The following ADARB1 variants were observed in gnomAD, a reference collection of about 807,000 sequenced individuals.
ADARB1 encodes double-stranded RNA-specific editase 1.
In ADARB1, 10 loss-of-function variants were observed where a neutral mutation model predicts 52.4. The ratio of observed to expected loss-of-function variants is 0.19; its 90% CI spans 0.12 to 0.32. The LOEUF is 0.32. Ranked by LOEUF, ADARB1 falls within the 10% of genes least tolerant of loss-of-function variation. ADARB1 has a pLI of 1.00. For missense variants in ADARB1, 643 were observed against 922.3 expected, an observed-to-expected ratio of 0.70 and a Z score of 3.92; for synonymous variants, 349 against 371.1, an observed-to-expected ratio of 0.94 and a Z score of 0.68.
At chr21:45,106,546 C>G (rs1449345526) in intron 1 of ADARB1, among the ~76,000 whole-genome samples, 1 of 152,138 alleles carries the variant, frequency 6.6e-6, no homozygotes. Context: ...TTAGCTGTCC[C>G]CCTTTTCTCT....
Position 45,074,766 on chromosome 21 carries a change from G to T in ADARB1, c.-247G>T. On this transcript the variant is annotated 5_prime_UTR_variant, in exon 1 of 11. Transcript: ENST00000348831. ...CGAAGCGTGGGGCGCGCGTGCGGAGGACCAGGCGCGGCGCGGCTGCGGCTG... is the reference window on the plus strand; with the variant it reads ...CGAAGCGTGGGGCGCGCGTGCGGAGTACCAGGCGCGGCGCGGCTGCGGCTG... The T allele has an allele frequency of 6.8e-6, 1 of 147,042 alleles. No individual in the cohort carries two copies. Among genetic ancestry groups the T allele is most frequent in the South Asian group, 1.9e-4 (1 of 5,380 alleles). The allele number at this position is 147,042 out of a possible 1,614,324, so 9.1% of individuals were successfully genotyped here.
In ADARB1 at chr21:45,204,531, G is replaced by T; in HGVS notation, c.1566-24G>T. 1 of 1,612,784 alleles carries T rather than the reference G, an allele frequency of 6.2e-7. No homozygotes were observed. The highest frequency in any genetic ancestry group is 8.5e-7 in the Non-Finnish European group (1 of 1,179,086). ...CGACACTGAGTCCGAGCTCCCTGAA[G>T]ACTGTGCTTTCTTCTCCCTCCAGCT... On this transcript the variant is annotated intron_variant, in intron 8 of 10. Transcript: ENST00000348831. The surrounding 1 kb of genome is among the most constrained non-coding windows in gnomAD (Gnocchi z 4.4).
intron 1 of ADARB1, among the ~76,000 whole-genome samples, chr21:45,093,502 C>T (rs2086639573): frequency 6.6e-6 from 1 of 152,214 alleles, no homozygotes; most frequent in African/African-American, 2.4e-5. Flanking sequence ...TGTTCTCTGA[C>T]TTGTGGGTTT....
intron 1 of ADARB1, among the ~76,000 whole-genome samples, chr21:45,109,691 TA>T (rs1012316527): frequency 2.0e-5 from 3 of 152,264 alleles, no homozygotes; most frequent in African/African-American, 4.8e-5. Flanking sequence ...TGGTATTTTA[TA>T]ACCTAGCAAT....
chr21:45,158,210 A>G (rs2090765700), intron 2 of ADARB1, among the ~76,000 whole-genome samples: 1 of 150,776 alleles, frequency 6.6e-6, no homozygotes, highest in Non-Finnish European at 1.5e-5. Flanking sequence ...GAGCATCCTC[A>G]TTCTCCAGAC....
intron 5 of ADARB1, among the ~76,000 whole-genome samples, chr21:45,181,764 G>C (rs2091939870): frequency 1.3e-5 from 2 of 152,238 alleles, no homozygotes; most frequent in African/African-American, 4.8e-5. Flanking sequence ...TGGTTCAGGG[G>C]GCTCCCGCTG....
At position 45,223,171 on chromosome 21, in the gene ADARB1, A is replaced by G. The variant is rs1284478013; in HGVS notation, c.*974A>G. ...TGGGTGACCGCCCGAAGGCCTTCAC[A>G]GGATGGAAGTAGAATGATTTCAGTA... On this transcript the variant is annotated 3_prime_UTR_variant, in exon 11 of 11. Coordinates refer to ENST00000348831, the MANE Select transcript of ADARB1 (RefSeq NM_001112.4). 1.5e-5 allele frequency: 15 copies of G among 985,402 alleles called. No homozygotes were observed. The highest frequency in any genetic ancestry group is 1.8e-5 in the Non-Finnish European group (15 of 829,968). The allele number at this position is 985,402 out of a possible 1,614,324, so 61.0% of individuals were successfully genotyped here. A position where few individuals can be genotyped will look rare whatever the true frequency, so the allele number is the denominator to read the frequency against.
In ADARB1 at chr21:45,208,859, G is replaced by A. The variant is rs575720303; in HGVS notation, c.1747+4123G>A. 6.6e-6 allele frequency among the ~76,000 whole-genome samples: 1 copy of A among 152,216 alleles called. No homozygotes were observed. The highest frequency in any genetic ancestry group is 2.1e-4 in the South Asian group (1 of 4,826). ...AGGAGTGAACGTGCCATGAGTCATTGTAGAAGAGAACGACCACCAAGCTTG... is the reference window on the plus strand; with the variant it reads ...AGGAGTGAACGTGCCATGAGTCATTATAGAAGAGAACGACCACCAAGCTTG... On this transcript the variant is annotated intron_variant, in intron 9 of 10. Coordinates refer to ENST00000348831, the MANE Select transcript of ADARB1 (RefSeq NM_001112.4). The surrounding 1 kb of genome is among the most constrained non-coding windows in gnomAD (Gnocchi z 5.6).
In ADARB1 at chr21:45,176,234, A is replaced by G. The variant is rs142958161; in HGVS notation, c.533A>G (p.Asn178Ser). The G allele has an allele frequency of 1.1e-5, 18 of 1,614,058 alleles. No individual in the cohort carries two copies. The highest frequency in any genetic ancestry group is 1.7e-5 in the Admixed American group (1 of 60,004). ...GCCGACTTCCCTGACACGCTCTTCA[A>G]TGGTTTTGAAACTCCTGACAAGGCG... Reference protein sequence around the residue: ...DQADFPDTLFNGFETPDKAEP... With the variant: ...DQADFPDTLFSGFETPDKAEP... Residue 178 changes from asparagine to serine, a missense_variant, in exon 4 of 11, where the codon AAT becomes AGT. Asn to Ser is a conservative substitution (Grantham distance 46, BLOSUM62 1). This residue lies in a region of ADARB1 where 380 missense variants were observed against 446.5 expected (regional missense o/e 0.85). Transcript: ENST00000348831. The surrounding 1 kb of genome is among the most constrained non-coding windows in gnomAD (Gnocchi z 5.8).
intron 9 of ADARB1, among the ~76,000 whole-genome samples, chr21:45,215,423 T>A (rs1195765858): frequency 6.6e-6 from 1 of 152,196 alleles, no homozygotes; most frequent in African/African-American, 2.4e-5. Context: ...TCAGCGTTTT[T>A]AATCAAGAAT....
rs139222381 is a variant in ADARB1, at chr21:45,163,559, C to T, written c.-47-8051C>T. Reference sequence around the variant, plus strand: ...CCCCACCTCCACCCTGCACCAGGGGCGCTGACTCTGGGCCCTCAAGGCCCC... The same window carrying T: ...CCCCACCTCCACCCTGCACCAGGGGTGCTGACTCTGGGCCCTCAAGGCCCC... On this transcript the variant is annotated intron_variant, in intron 2 of 10. Transcript: ENST00000348831. Among the ~76,000 whole-genome samples, 843 of 151,818 alleles carry T rather than the reference C, an allele frequency of 5.6e-3. 5 individuals carry two copies. Among genetic ancestry groups the T allele is most frequent in the African/African-American group, 0.019 (775 of 41,142 alleles).
chr21:45,089,163 C>G (rs569232011), intron 1 of ADARB1, among the ~76,000 whole-genome samples: 1 of 152,210 alleles, frequency 6.6e-6, no homozygotes, highest in Non-Finnish European at 1.5e-5. Context: ...TCGATATATC[C>G]TTCTCCCAGC....
chr21:45,182,369 A>G (rs754600299), intron 5 of ADARB1, among the ~76,000 whole-genome samples: 14 of 152,186 alleles, frequency 9.2e-5, no homozygotes, highest in Non-Finnish European at 2.1e-4. Context: ...CTTTCCAGAA[A>G]TGTCACAAAG....
intron 1 of ADARB1, among the ~76,000 whole-genome samples, chr21:45,113,495 A>ATG (rs2087657513): frequency 1.0e-5 from 1 of 95,682 alleles, no homozygotes; most frequent in African/African-American, 3.6e-5. Flanking sequence ...GTGTGTGTAT[A>ATG]TATGTGTGTG....
In ADARB1 at chr21:45,204,372, G is replaced by T. The variant is rs890851443; in HGVS notation, c.1566-183G>T. Among the ~76,000 whole-genome samples the T allele has an allele frequency of 1.2e-4, 18 of 152,166 alleles. No individual in the cohort carries two copies. The highest frequency in any genetic ancestry group is 5.9e-5 in the Non-Finnish European group (4 of 68,026). ...CACAGTGTAAAATAACTTTTAAGTA[G>T]ATTTTTGTCTTTGTGATCGTAAGCT... On this transcript the variant is annotated intron_variant, in intron 8 of 10. Coordinates refer to ENST00000348831, the MANE Select transcript of ADARB1 (RefSeq NM_001112.4). The surrounding 1 kb of genome is among the most constrained non-coding windows in gnomAD (Gnocchi z 4.4).
intron 2 of ADARB1, among the ~76,000 whole-genome samples, chr21:45,162,653 G>A (rs111608697): frequency 2.3e-4 from 35 of 152,332 alleles, no homozygotes; most frequent in African/African-American, 8.2e-4. Context: ...ATGCAGATCT[G>A]TCCATGAAAG....
At position 45,104,857 on chromosome 21, in the gene ADARB1, G is replaced by T. The variant is rs574535491; in HGVS notation, c.-219-23545G>T. On this transcript the variant is annotated intron_variant, in intron 1 of 10. Coordinates refer to ENST00000348831, the MANE Select transcript of ADARB1 (RefSeq NM_001112.4). ...TTGGGGTGCCTGCTGGCTACAAGGG[G>T]TCTAGATGTTTATGACACTGATATA... is the stretch of plus-strand genomic sequence containing the variant. 2.0e-5 allele frequency among the ~76,000 whole-genome samples: 3 copies of T among 152,332 alleles called. No individual in the cohort carries two copies. In the South Asian group the frequency reaches 6.2e-4, roughly 32 times the overall value.
At chr21:45,205,262 AAAAG>A (rs3838132) in intron 9 of ADARB1, among the ~76,000 whole-genome samples, 18,160 of 151,536 alleles carry the variant, frequency 0.12, 1,299 homozygotes, top group African/African-American at 0.18. Context: ...CCCTGTCTTT[AAAAG>A]AAAGAAAGAA....
chr21:45,192,486 G>T (rs1015914155), intron 8 of ADARB1, among the ~76,000 whole-genome samples: 2 of 152,126 alleles, frequency 1.3e-5, no homozygotes. Flanking sequence ...AAGTAATGCA[G>T]TGCTAGTTCT....
Sources: allele counts gnomAD v4.1 joint callset (sites outside exome capture counted in the v4.1 genomes callset), GRCh38; gene constraint gnomAD v4.1.1; regional missense constraint gnomAD v4.1.1; non-coding constraint Gnocchi (gnomAD v3.1); transcripts MANE v1.5; gene names NCBI Gene and HGNC (gene_info 2026-07-23, HGNC 2026-07-21).